The following NAV3 variants were observed in gnomAD, a reference collection of about 807,000 sequenced individuals.
The protein encoded by NAV3 is neuron navigator 3, also known as pore membrane and/or filament interacting like protein 1.
A neutral mutation model predicts 244.7 loss-of-function variants in NAV3; 87 were observed. The ratio of observed to expected loss-of-function variants is 0.36; its 90% CI spans 0.30 to 0.42. The LOEUF (loss-of-function observed/expected upper bound fraction) is 0.42, where lower values mean the gene tolerates loss of function less well. Among genes scored for constraint, NAV3 ranks in the 20% least tolerant of loss-of-function variants. NAV3 has a pLI of 1.00. For synonymous variants in NAV3, 1,126 were observed against 1,042.2 expected (o/e 1.08, Z -1.55); for missense variants, 2,663 against 2,893.3 (o/e 0.92, Z 1.83).
intron 1 of NAV3, among the ~76,000 whole-genome samples, chr12:77,908,835 A>T (rs1446760899): frequency 6.6e-6 from 1 of 152,060 alleles, no homozygotes; most frequent in Non-Finnish European, 1.5e-5. Flanking sequence ...ATTTTTGCCT[A>T]TGAAAATAGA....
At chr12:77,912,094 T>A (rs769309690) in intron 1 of NAV3, among the ~76,000 whole-genome samples, 1 of 152,140 alleles carries the variant, frequency 6.6e-6, no homozygotes, top group African/African-American at 2.4e-5. Flanking sequence ...TTTCCTGGCA[T>A]ATAATACTGT....
intron 3 of NAV3, among the ~76,000 whole-genome samples, chr12:77,960,870 A>T (rs373817151): frequency 6.2e-5 from 9 of 145,634 alleles, no homozygotes; most frequent in South Asian, 2.2e-4. Flanking sequence ...CACACATATA[A>T]TAATATATTG....
At chr12:78,189,072 C>T (rs746760903) in intron 33 of NAV3, among the ~76,000 whole-genome samples, 18 of 151,946 alleles carry the variant, frequency 1.2e-4, no homozygotes, top group Non-Finnish European at 2.4e-4. Context: ...TCATTATCAT[C>T]CTTCATTACA....
chr12:77,859,432 C>T (rs998152608), intron 1 of NAV3, among the ~76,000 whole-genome samples: 7 of 151,826 alleles, frequency 4.6e-5, no homozygotes, highest in Non-Finnish European at 1.0e-4. Context: ...CTTTTGGCCT[C>T]CAGGGCAAAG....
At chr12:77,769,076 C>A (rs753466885) in intron 2 of NAV3, among the ~76,000 whole-genome samples, 3 of 152,048 alleles carry the variant, frequency 2.0e-5, no homozygotes, top group Non-Finnish European at 4.4e-5. Flanking sequence ...TTTTTCATTG[C>A]CATTTTAAAA....
At chr12:77,940,501 C>A in intron 2 of NAV3, 65 bp downstream of exon 2, 1 of 1,305,610 alleles carries the variant, frequency 7.7e-7, no homozygotes. Context: ...TAAAGCACAA[C>A]TTAAGTTAAG....
intron 28 of NAV3, among the ~76,000 whole-genome samples, chr12:78,178,577 C>T (rs373842141): frequency 2.0e-5 from 3 of 152,012 alleles, no homozygotes; most frequent in African/African-American, 4.8e-5. Flanking sequence ...GAACACATTT[C>T]GAATATAGAA....
chr12:77,778,150 C>CA (rs1342806388), intron 2 of NAV3, among the ~76,000 whole-genome samples: 2 of 108,854 alleles, frequency 1.8e-5, no homozygotes, highest in African/African-American at 7.1e-5. Flanking sequence ...CCCCTCCCCT[C>CA]CCCTCCCCTC....
At chr12:78,048,547 G>C (rs1185945747) in intron 9 of NAV3, among the ~76,000 whole-genome samples, 1 of 152,192 alleles carries the variant, frequency 6.6e-6, no homozygotes, top group Admixed American at 6.5e-5. Context: ...ACCAGCAAAG[G>C]CTGCAGAACA....
At chr12:78,121,339 C>T (rs1412331312) in intron 15 of NAV3, among the ~76,000 whole-genome samples, 2 of 152,104 alleles carry the variant, frequency 1.3e-5, no homozygotes, top group East Asian at 3.9e-4. Context: ...TGACATAAAA[C>T]CCTTTGGCCT....
chr12:78,044,793 G>A lies in NAV3; in HGVS notation c.2024-5200G>A, dbSNP rs374663473. Among the ~76,000 whole-genome samples the A allele has an allele frequency of 1.4e-4, 21 of 152,246 alleles. No homozygotes were observed. In the East Asian group the frequency reaches 2.3e-3, roughly 17 times the overall value. ...GCATGTTGATTTTGTATCCTGAGAC[G>A]TTGCTAAATTCGCTTATCAGCTTAA... On this transcript the variant is annotated intron_variant, in intron 9 of 39. Transcript: ENST00000397909.
chr12:78,059,254 A>C (rs1361701136), intron 12 of NAV3, 139 bp downstream of exon 12: 1 of 836,278 alleles, frequency 1.2e-6, no homozygotes, highest in African/African-American at 1.8e-5. Flanking sequence ...TTTGATAAAT[A>C]ATTATTTAGG....
intron 6 of NAV3, 54 bp downstream of exon 6, chr12:77,994,925 C>T (rs1872101851): frequency 3.1e-6 from 4 of 1,273,994 alleles, no homozygotes; most frequent in Non-Finnish European, 4.5e-6. Context: ...AATAAATACC[C>T]AGTGATATTT....
intron 12 of NAV3, among the ~76,000 whole-genome samples, chr12:78,078,792 G>A (rs1336874031): frequency 6.6e-6 from 1 of 152,052 alleles, no homozygotes; most frequent in Non-Finnish European, 1.5e-5. Context: ...AATTCTCCAT[G>A]GAAAGATGAC....
chr12:78,108,096 G>A (rs1204514143), intron 12 of NAV3, among the ~76,000 whole-genome samples: 1 of 152,104 alleles, frequency 6.6e-6, no homozygotes, highest in Non-Finnish European at 1.5e-5. Context: ...TAGGCTGAAA[G>A]TAAAAGAATG....
At chr12:78,102,624 G>C in intron 12 of NAV3, among the ~76,000 whole-genome samples, 1 of 152,238 alleles carries the variant, frequency 6.6e-6, no homozygotes, top group East Asian at 1.9e-4. Flanking sequence ...TGCCCTAGCA[G>C]AGATTCTTCA....
At chr12:78,120,390 A>G (rs300444) in intron 15 of NAV3, among the ~76,000 whole-genome samples, 8,324 of 152,248 alleles carry the variant, frequency 0.055, 275 homozygotes, top group Non-Finnish European at 0.072. Context: ...GTTGGTGATC[A>G]TAAATGTAGA....
chr12:78,103,909 C>T (rs1954668469), intron 12 of NAV3, among the ~76,000 whole-genome samples: 1 of 152,142 alleles, frequency 6.6e-6, no homozygotes, highest in Non-Finnish European at 1.5e-5. Flanking sequence ...CAGAGCCAAA[C>T]TATATCACAT....
At chr12:77,694,389 C>T (rs956495950) in intron 2 of NAV3, among the ~76,000 whole-genome samples, 1 of 151,688 alleles carries the variant, frequency 6.6e-6, no homozygotes, top group Non-Finnish European at 1.5e-5. Flanking sequence ...AGGAGAATCA[C>T]TTGAACCTGG....
Sources: gnomAD v4.1 joint callset for allele counts (sites outside exome capture counted in the v4.1 genomes callset) on GRCh38, gnomAD v4.1.1 for gene constraint, MANE v1.5 for transcripts, NCBI Gene and HGNC (gene_info 2026-07-23, HGNC 2026-07-21) for gene names.